Variants in AGK observed in about 807,000 individuals in gnomAD.
AGK encodes acylglycerol kinase.
In AGK, 52 loss-of-function variants were observed where a neutral mutation model predicts 66.4. The ratio of observed to expected loss-of-function variants is 0.78; its 90% CI spans 0.63 to 0.99. The LOEUF (loss-of-function observed/expected upper bound fraction) is 0.99. Among genes scored for constraint, AGK ranks in the 50% least tolerant of loss-of-function variants. AGK has a pLI of 0.00. For synonymous variants in AGK, 182 were observed against 181.1 expected (o/e 1.00, Z -0.04); for missense variants, 451 against 506.6 (o/e 0.89, Z 1.05).
chr7:141,641,991 A>AT, intron 13 of AGK, 83 bp downstream of exon 13: 3 of 1,182,156 alleles, frequency 2.5e-6, no homozygotes. Flanking sequence ...TAATTCAGTT[A>AT]TTTTTATTTT....
intron 2 of AGK, among the ~76,000 whole-genome samples, chr7:141,579,422 AGGAATTAAGTCTTAC>A (rs1363508146): frequency 1.4e-5 from 2 of 144,664 alleles, no homozygotes; most frequent in African/African-American, 5.2e-5. Context: ...GGCCAAACCG[AGGAATTAAGTCTTAC>A]AGAAGGGAAG....
intron 2 of AGK, among the ~76,000 whole-genome samples, chr7:141,563,176 A>G (rs1795389334): frequency 6.6e-6 from 1 of 152,164 alleles, no homozygotes; most frequent in Non-Finnish European, 1.5e-5. Flanking sequence ...GGTTCTTGGA[A>G]CAAAAGATCA....
At position 141,638,973 on chromosome 7, in the gene AGK, G is replaced by A. The variant is rs151073548; in HGVS notation, c.726+1956G>A. Among the ~76,000 whole-genome samples, 57 of 152,244 alleles carry A rather than the reference G, an allele frequency of 3.7e-4. No homozygotes were observed. The East Asian group carries it at 0.011, about 29-fold the overall frequency. ...TTGGGTGAAATTACCATTGAGTACAGATGGCCAGGAATATCCCTAAGGGAC... is the reference window on the plus strand; with the variant it reads ...TTGGGTGAAATTACCATTGAGTACAAATGGCCAGGAATATCCCTAAGGGAC... On this transcript the variant is annotated intron_variant, in intron 11 of 15. Coordinates refer to ENST00000649286, the MANE Select transcript of AGK (RefSeq NM_018238.4).
chr7:141,577,340 C>G (rs1421696463), intron 2 of AGK, among the ~76,000 whole-genome samples: 1 of 152,210 alleles, frequency 6.6e-6, no homozygotes, highest in Non-Finnish European at 1.5e-5. Context: ...TTAATTCAGA[C>G]ATTGCTTTCT....
At chr7:141,585,420 C>T (rs1795976296) in intron 2 of AGK, among the ~76,000 whole-genome samples, 1 of 152,218 alleles carries the variant, frequency 6.6e-6, no homozygotes, top group Non-Finnish European at 1.5e-5. Context: ...CAACCATGGG[C>T]ACAGCCACTG....
chr7:141,554,714 A>C (rs2116842591), intron 1 of AGK, among the ~76,000 whole-genome samples: 1 of 152,366 alleles, frequency 6.6e-6, no homozygotes, highest in Non-Finnish European at 1.5e-5. Context: ...AATGTCATGA[A>C]GAATAAAGAT....
intron 2 of AGK, among the ~76,000 whole-genome samples, chr7:141,570,679 A>G (rs1025603903): frequency 2.0e-5 from 3 of 149,146 alleles, no homozygotes; most frequent in Non-Finnish European, 4.5e-5. Context: ...CAGATATTAT[A>G]TCATTTTACC....
intron 14 of AGK, chr7:141,650,450 C>T (rs1797528271): frequency 1.1e-6 from 1 of 949,410 alleles, no homozygotes; most frequent in South Asian, 4.9e-5. Flanking sequence ...CAGTGGCAGC[C>T]AGTGTCCTTC....
intron 1 of AGK, among the ~76,000 whole-genome samples, chr7:141,553,797 T>G (rs1795149976): frequency 6.6e-6 from 1 of 152,152 alleles, no homozygotes. Context: ...GATAAGGATG[T>G]TTCTACCCTT....
At chr7:141,577,091 A>G (rs1239346714) in intron 2 of AGK, among the ~76,000 whole-genome samples, 2 of 152,096 alleles carry the variant, frequency 1.3e-5, no homozygotes, top group African/African-American at 2.4e-5. Flanking sequence ...AGCCCCCTCA[A>G]CTATCTAAGT....
rs755824159 is a variant in AGK, at chr7:141,555,524, T to C, written c.58T>C (p.Cys20Arg). The C allele has an allele frequency of 6.2e-7, 1 of 1,614,146 alleles. No individual in the cohort carries two copies. The highest frequency in any genetic ancestry group is 1.7e-5 in the Admixed American group (1 of 60,018). ...NHWKKTTAGLCLLTWGGHWLY... is the reference protein window; with the variant it reads ...NHWKKTTAGLRLLTWGGHWLY... ...CTGGAAGAAAACTACAGCTGGGCTC[T>C]GCCTGCTGACCTGGGGAGGCCATTG... Residue 20 changes from cysteine to arginine, a missense_variant, in exon 2 of 16, where the codon TGC (cysteine) becomes CGC (arginine). Transcript: ENST00000649286. This position sits in a 1 kb window ranked among gnomAD's most constrained non-coding sequence, Gnocchi z 4.2.
In AGK at chr7:141,632,076, C is replaced by A. The variant is rs185103419; in HGVS notation, c.589-1825C>A. ...AAACCCCGTCTCTACTAAAAGAATA[C>A]AAAAATTAGCTGGGCGTGGTGGCGT... On this transcript the variant is annotated intron_variant, in intron 9 of 15. Transcript: ENST00000649286. 1.2e-3 allele frequency among the ~76,000 whole-genome samples: 177 copies of A among 151,840 alleles called. 3 individuals are homozygous for A. In the East Asian group the frequency reaches 0.03, roughly 26 times the overall value.
In AGK at chr7:141,551,442, C is replaced by T; in HGVS notation, c.-15+8C>T. ...CGAGCTGGACCAGCCGTGGTGAGTGCAGCGGCGCCCAGGCGGGGAGCGCAG... is the reference window on the plus strand; with the variant it reads ...CGAGCTGGACCAGCCGTGGTGAGTGTAGCGGCGCCCAGGCGGGGAGCGCAG... On this transcript the variant is annotated splice_region_variant and intron_variant, in intron 1 of 15. Coordinates refer to ENST00000649286, the MANE Select transcript of AGK (RefSeq NM_018238.4). The T allele has an allele frequency of 6.5e-6, 1 of 153,054 alleles. No homozygotes were observed. The highest frequency in any genetic ancestry group is 1.5e-5 in the Non-Finnish European group (1 of 68,638). The allele number at this position is 153,054 out of a possible 1,614,324, so 9.5% of individuals were successfully genotyped here. A position where few individuals can be genotyped will look rare whatever the true frequency, so the allele number is the denominator to read the frequency against.
intron 11 of AGK, among the ~76,000 whole-genome samples, chr7:141,637,475 G>A (rs888450130): frequency 4.6e-5 from 7 of 152,016 alleles, no homozygotes; most frequent in African/African-American, 1.7e-4. Flanking sequence ...TTACTGTATT[G>A]GAGAGTATAG....
chr7:141,597,533 T>C (rs989426721), intron 4 of AGK, among the ~76,000 whole-genome samples: 31 of 152,154 alleles, frequency 2.0e-4, no homozygotes, highest in African/African-American at 7.2e-4. Flanking sequence ...ATATCTCTTA[T>C]GTCCCTAATG....
intron 10 of AGK, among the ~76,000 whole-genome samples, chr7:141,636,107 A>G (rs571622874): frequency 3.3e-5 from 5 of 152,338 alleles, no homozygotes; most frequent in Admixed American, 3.3e-4. Context: ...GTATTTAGCA[A>G]TATGCAATAG....
At chr7:141,624,409 A>G (rs1246812207) in intron 9 of AGK, among the ~76,000 whole-genome samples, 1 of 152,190 alleles carries the variant, frequency 6.6e-6, no homozygotes, top group Admixed American at 6.5e-5. Flanking sequence ...ATCTGGGCAA[A>G]GTAAATTGAA....
chr7:141,642,871 A>C (rs1797321284), intron 13 of AGK, among the ~76,000 whole-genome samples: 1 of 152,162 alleles, frequency 6.6e-6, no homozygotes, highest in African/African-American at 2.4e-5. Context: ...CCAAAGCCTA[A>C]AATGTTTATT....
At chr7:141,627,499 TGTTA>T (rs1455935148) in intron 9 of AGK, among the ~76,000 whole-genome samples, 1 of 152,202 alleles carries the variant, frequency 6.6e-6, no homozygotes, top group African/African-American at 2.4e-5. Context: ...AAAAAGTTGC[TGTTA>T]GTTACATAGA....
Sources: allele counts gnomAD v4.1 joint callset (sites outside exome capture counted in the v4.1 genomes callset), GRCh38; gene constraint gnomAD v4.1.1; non-coding constraint Gnocchi (gnomAD v3.1); transcripts MANE v1.5; gene names NCBI Gene and HGNC (gene_info 2026-07-23, HGNC 2026-07-21).